Variants in PCDHGA9 observed in about 807,000 individuals in gnomAD.
PCDHGA9 encodes the protein protocadherin gamma subfamily A, 9, also known as protocadherin gamma-A9.
PCDHGA9 carries 37 observed loss-of-function variants against 62.5 expected under a neutral mutation model. That is an observed-to-expected ratio of 0.59 (90% CI 0.46 to 0.78). The LOEUF is 0.78. Ranked by LOEUF, PCDHGA9 falls within the 30% of genes least tolerant of loss-of-function variation. The pLI is 0.00. For synonymous variants in PCDHGA9, 459 were observed against 484.6 expected (o/e 0.95, Z 0.69); for missense variants, 1,138 against 1,166.2 (o/e 0.98, Z 0.35).
intron 1 of PCDHGA9, among the ~76,000 whole-genome samples, chr5:141,436,781 A>T (rs1041532929): frequency 6.6e-6 from 1 of 152,236 alleles, no homozygotes; most frequent in Non-Finnish European, 1.5e-5. Context: ...TGTGGATGGA[A>T]ATAAAACTGT....
intron 1 of PCDHGA9, chr5:141,422,218 A>T: frequency 1.3e-6 from 2 of 1,564,130 alleles, no homozygotes; most frequent in Non-Finnish European, 8.6e-7. Flanking sequence ...TCTCTTTACC[A>T]CCACGACGAT....
rs186292704 is a variant in PCDHGA9 at position 141,490,783 on chromosome 5, C to T, written c.2425-4024C>T. ...TGTGTATGTCAACCCAGAGGATGGA[C>T]GGATCTTTGCCCAGCGTACCTTTGA... On this transcript the variant is annotated intron_variant, in intron 1 of 3. Transcript: ENST00000573521. The surrounding 1 kb of genome is among the most constrained non-coding windows in gnomAD (Gnocchi z 5.4). The T allele has an allele frequency of 8.1e-6, 13 of 1,614,024 alleles. 1 individual carries two copies. Among genetic ancestry groups the T allele is most frequent in the Middle Eastern group, 3.3e-4 (2 of 6,062 alleles).
At chr5:141,472,176 G>C (rs1416695177) in intron 1 of PCDHGA9, among the ~76,000 whole-genome samples, 3 of 152,144 alleles carry the variant, frequency 2.0e-5, no homozygotes, top group Non-Finnish European at 2.9e-5. Context: ...GTAATATCCA[G>C]TATTGGAATT....
chr5:141,427,854 TGC>T (rs2097079964), intron 1 of PCDHGA9: 1 of 1,553,594 alleles, frequency 6.4e-7, no homozygotes, highest in Non-Finnish European at 8.8e-7. Context: ...CGAGCAGCTG[TGC>T]GCCTTCGAGC....
chr5:141,507,202 C>G (rs2099859138), intron 3 of PCDHGA9: 1 of 152,356 alleles, frequency 6.6e-6, no homozygotes, highest in Non-Finnish European at 1.5e-5. Flanking sequence ...TCTTCCAGAT[C>G]AGGGTTGCCA....
chr5:141,494,100 G>A (rs559145191), intron 1 of PCDHGA9, among the ~76,000 whole-genome samples: 7 of 152,270 alleles, frequency 4.6e-5, no homozygotes, highest in South Asian at 2.1e-4. Flanking sequence ...ATTTTTCTCC[G>A]TCTCAGACAG....
Position 141,485,752 on chromosome 5 carries a change from G to A in PCDHGA9, c.2425-9055G>A. 1 of 1,614,232 alleles carries A rather than the reference G, an allele frequency of 6.2e-7. No individual in the cohort carries two copies. Among genetic ancestry groups the A allele is most frequent in the Middle Eastern group, 1.6e-4 (1 of 6,062 alleles). ...GCAGCGACGGCAGCCTGGTCCCAGA[G>A]CTGCTCCTGGAGAAGCCTTTGGATC... On this transcript the variant is annotated intron_variant, in intron 1 of 3. Coordinates refer to ENST00000573521, the MANE Select transcript of PCDHGA9 (RefSeq NM_018921.3). This position sits in a 1 kb window ranked among gnomAD's most constrained non-coding sequence, Gnocchi z 5.7.
In PCDHGA9 at chr5:141,403,687, G is replaced by A; in HGVS notation, c.735G>A (p.Arg245=). 6.2e-7 allele frequency: 1 copy of A among 1,613,872 alleles called. No homozygotes were observed. The highest frequency in any genetic ancestry group is 2.2e-5 in the East Asian group (1 of 44,878). ...TNDNAPVFAQ[R]IYRVKVLENV... ...ATAATGCCCCGGTTTTTGCTCAACG[G>A]ATTTACCGAGTTAAAGTCCTTGAGA... Residue 245 remains arginine, a synonymous_variant, in exon 1 of 4, where the codon CGG becomes CGA. Coordinates refer to ENST00000573521, the MANE Select transcript of PCDHGA9 (RefSeq NM_018921.3).
rs1300601208 is a variant in PCDHGA9 at position 141,499,206 on chromosome 5, AC to A, written c.2483+4344del. On this transcript the variant is annotated intron_variant, in intron 2 of 3. Transcript: ENST00000573521. ...ACCATTTCCCCCTTCTTAGGCTGTA[AC>A]CCAGGCCCTGCCCTGCAGCTGTCCC... Among the ~76,000 whole-genome samples the A allele has an allele frequency of 3.3e-5, 5 of 152,062 alleles. No homozygotes were observed. In the East Asian group the frequency reaches 7.7e-4, roughly 24 times the overall value.
intron 1 of PCDHGA9, among the ~76,000 whole-genome samples, chr5:141,459,386 T>C (rs1283863283): frequency 6.6e-6 from 1 of 152,260 alleles, no homozygotes; most frequent in African/African-American, 2.4e-5. Context: ...GTGTTCCATT[T>C]GATTGTTGAG....
chr5:141,423,678 G>A (rs1161093615), intron 1 of PCDHGA9: 3 of 1,496,158 alleles, frequency 2.0e-6, no homozygotes, highest in Non-Finnish European at 2.7e-6. Flanking sequence ...TTATTTCTCT[G>A]CCTCCTAATT....
rs371618979 is a variant in PCDHGA9, at chr5:141,404,764, C to T, written c.1812C>T (p.Leu604=). The T allele has an allele frequency of 6.2e-7, 1 of 1,613,802 alleles. No individual in the cohort carries two copies. The highest frequency in any genetic ancestry group is 8.5e-7 in the Non-Finnish European group (1 of 1,180,020). Residue 604 remains leucine (L), a synonymous_variant, in exon 1 of 4, where the codon CTC becomes CTT. Coordinates refer to ENST00000573521, the MANE Select transcript of PCDHGA9 (RefSeq NM_018921.3). ...GAGACTCAGGCCAGAATGCTTGGCT[C>T]TCCTACCGCCTATTCAAGGCCAGTG... is the stretch of plus-strand genomic sequence containing the variant. ...VDRDSGQNAW[L]SYRLFKASEP...
At chr5:141,495,400 C>T (rs554849650) in intron 2 of PCDHGA9, among the ~76,000 whole-genome samples, 4 of 152,278 alleles carry the variant, frequency 2.6e-5, no homozygotes, top group Non-Finnish European at 1.5e-5. Flanking sequence ...ATGGAGCAGG[C>T]CCCCTTCTCC....
At chr5:141,466,929 T>C (rs2099132302) in intron 1 of PCDHGA9, among the ~76,000 whole-genome samples, 1 of 152,232 alleles carries the variant, frequency 6.6e-6, no homozygotes, top group African/African-American at 2.4e-5. Context: ...TTAGGAATAT[T>C]AGTCCTTTGT....
chr5:141,421,092 C>T, intron 1 of PCDHGA9: 1 of 663,988 alleles, frequency 1.5e-6, no homozygotes, highest in Non-Finnish European at 2.5e-6. Flanking sequence ...CAGATCCTGA[C>T]ACTGGAGACT....
chr5:141,494,953 T>G, intron 2 of PCDHGA9, 88 bp downstream of exon 2: 1 of 1,604,164 alleles, frequency 6.2e-7, no homozygotes, highest in Non-Finnish European at 8.5e-7. Flanking sequence ...GCCCAGCATT[T>G]GCTACAGATG....
At position 141,511,227 on chromosome 5, in the gene PCDHGA9, TCTC is replaced by T. The variant is rs2099883680; in HGVS notation, c.*57_*59del. 2 of 1,599,470 alleles carry T rather than the reference TCTC, an allele frequency of 1.3e-6. No homozygotes were observed. Among genetic ancestry groups the T allele is most frequent in the Non-Finnish European group, 1.7e-6 (2 of 1,173,054 alleles). ...CGGCCTCTCCCCAACCAGCCCAGCTTCTCCTTACCTGCACCCAGGCCTCAGAGT... is the reference window on the plus strand; with the variant it reads ...CGGCCTCTCCCCAACCAGCCCAGCTTCTTACCTGCACCCAGGCCTCAGAGT... On this transcript the variant is annotated 3_prime_UTR_variant, in exon 4 of 4. Transcript: ENST00000573521.
intron 1 of PCDHGA9, among the ~76,000 whole-genome samples, chr5:141,464,983 C>G (rs1294132264): frequency 6.6e-6 from 1 of 152,050 alleles, no homozygotes; most frequent in African/African-American, 2.4e-5. Flanking sequence ...TTCAAGTGAT[C>G]CTCCCACCTC....
At chr5:141,497,849 T>G (rs1337258582) in intron 2 of PCDHGA9, among the ~76,000 whole-genome samples, 1 of 152,192 alleles carries the variant, frequency 6.6e-6, no homozygotes, top group African/African-American at 2.4e-5. Flanking sequence ...ACAAACATTT[T>G]TGATTCAGCG....
Sources: allele counts gnomAD v4.1 joint callset (sites outside exome capture counted in the v4.1 genomes callset), GRCh38; gene constraint gnomAD v4.1.1; non-coding constraint Gnocchi (gnomAD v3.1); transcripts MANE v1.5; gene names NCBI Gene and HGNC (gene_info 2026-07-23, HGNC 2026-07-21).